Variants in DMRT3 observed in about 807,000 individuals in gnomAD.
DMRT3 encodes doublesex and mab-3 related transcription factor 3.
In DMRT3, 29 loss-of-function variants were observed where a neutral mutation model predicts 34.9. That is an observed-to-expected ratio of 0.83 (90% CI 0.62 to 1.13). DMRT3 has a LOEUF of 1.13. DMRT3 is among the 50% of genes most tolerant of loss of function. The pLI, the probability that DMRT3 is intolerant of heterozygous loss-of-function variation, is 0.00. For missense variants in DMRT3, 772 were observed against 629.1 expected, an observed-to-expected ratio of 1.23 and a Z score of -2.43; for synonymous variants, 350 against 286.0, an observed-to-expected ratio of 1.22 and a Z score of -2.26.
In DMRT3 at chr9:976,725, AAGG is replaced by A. The variant is rs1348950968; in HGVS notation, c.-272_-270del. ...TTGCAGCCGCCGCAGCGCCTCCGCG[AAGG>A]AGGACGTGCCGACCCGGCTGCGCGC... On this transcript the variant is annotated 5_prime_UTR_variant, in exon 1 of 2. Coordinates refer to ENST00000190165, the MANE Select transcript of DMRT3 (RefSeq NM_021240.4). The surrounding 1 kb of genome is among the most constrained non-coding windows in gnomAD (Gnocchi z 4.5). 2.6e-5 allele frequency among the ~76,000 whole-genome samples: 4 copies of A among 152,128 alleles called. No individual in the cohort carries two copies. Among genetic ancestry groups the A allele is most frequent in the African/African-American group, 9.7e-5 (4 of 41,438 alleles).
intron 1 of DMRT3, among the ~76,000 whole-genome samples, chr9:986,456 G>A (rs1171473314): frequency 6.6e-6 from 1 of 152,122 alleles, no homozygotes; most frequent in African/African-American, 2.4e-5. Flanking sequence ...AGACTGAAGT[G>A]TACTGTGGAA....
chr9:979,679 G>T (rs1820193538), intron 1 of DMRT3, among the ~76,000 whole-genome samples: 1 of 152,134 alleles, frequency 6.6e-6, no homozygotes, highest in South Asian at 2.1e-4. Context: ...TGATTGTTTA[G>T]GAAGACAGGC....
At chr9:982,710 T>C (rs1436539919) in intron 1 of DMRT3, among the ~76,000 whole-genome samples, 7 of 152,218 alleles carry the variant, frequency 4.6e-5, no homozygotes. Flanking sequence ...CCTGGAGGAC[T>C]CGGAGCCCTT....
chr9:990,622 T>C lies in DMRT3; in HGVS notation c.1036T>C (p.Ser346Pro), dbSNP rs1252184502. 6.2e-7 allele frequency: 1 copy of C among 1,614,164 alleles called. No homozygotes were observed. Among genetic ancestry groups the C allele is most frequent in the Non-Finnish European group, 8.5e-7 (1 of 1,180,026 alleles). ...AGACACGTTGAGGTTTTCTGCCGAC[T>C]CTAGCAACGTTGTCCCCAGTCCCTT... is the stretch of plus-strand genomic sequence containing the variant. Reference protein sequence around the residue: ...VPDTLRFSADSSNVVPSPLAG... With the variant: ...VPDTLRFSADPSNVVPSPLAG... Residue 346 changes from serine (S) to proline (P), a missense_variant, in exon 2 of 2, where the codon TCT becomes CCT. By Grantham distance (74) the Ser-to-Pro change is moderately conservative. Transcript: ENST00000190165.
At position 979,010 on chromosome 9, in the gene DMRT3, A is replaced by G. The variant is rs1191693511; in HGVS notation, c.454+1555A>G. Among the ~76,000 whole-genome samples, 3 of 152,164 alleles carry G rather than the reference A, an allele frequency of 2.0e-5. No homozygotes were observed. The East Asian group carries it at 5.8e-4, about 29-fold the overall frequency. ...CAGCTCTAGAATTGGATTTGTACCA[A>G]TATATTTTCTTAATTTTTTTCCATT... On this transcript the variant is annotated intron_variant, in intron 1 of 1. Transcript: ENST00000190165.
chr9:984,199 C>A (rs563116936), intron 1 of DMRT3, among the ~76,000 whole-genome samples: 38 of 152,248 alleles, frequency 2.5e-4, no homozygotes, highest in African/African-American at 8.7e-4. Context: ...TGAAAACTAC[C>A]CATCAAGGAC....
chr9:977,470 G>C lies in DMRT3; in HGVS notation c.454+15G>C, dbSNP rs1820166942. The C allele has an allele frequency of 7.8e-7, 1 of 1,279,444 alleles. No individual in the cohort carries two copies. The highest frequency in any genetic ancestry group is 1.5e-5 in the African/African-American group (1 of 65,786). 79.3% of individuals were successfully genotyped at this position (1,279,444 alleles called of 1,614,324 possible). A position where few individuals can be genotyped will look rare whatever the true frequency, so the allele number is the denominator to read the frequency against. ...CGCCAAGCCAGGTAAGAGCGTCTGA[G>C]GTGCGGGAGTTTGGCCGGGCGCGGG... is the stretch of plus-strand genomic sequence containing the variant. On this transcript the variant is annotated intron_variant, in intron 1 of 1. Coordinates refer to ENST00000190165, the MANE Select transcript of DMRT3 (RefSeq NM_021240.4).
chr9:979,024 T>C (rs542154989), intron 1 of DMRT3, among the ~76,000 whole-genome samples: 1 of 152,252 alleles, frequency 6.6e-6, no homozygotes, highest in Admixed American at 6.5e-5. Context: ...ATTTTCTTAA[T>C]TTTTTTCCAT....
chr9:982,731 G>A (rs1245446365), intron 1 of DMRT3, among the ~76,000 whole-genome samples: 1 of 152,224 alleles, frequency 6.6e-6, no homozygotes, highest in East Asian at 1.9e-4. Context: ...TTCTGGAAAT[G>A]TTGCACTTCT....
At chr9:987,566 T>C (rs1166530814) in intron 1 of DMRT3, among the ~76,000 whole-genome samples, 1 of 152,178 alleles carries the variant, frequency 6.6e-6, no homozygotes, top group Non-Finnish European at 1.5e-5. Context: ...TGTGTCATAT[T>C]TGAGGCTTAG....
chr9:988,692 A>G (rs953106019), intron 1 of DMRT3, among the ~76,000 whole-genome samples: 2 of 152,214 alleles, frequency 1.3e-5, no homozygotes, highest in African/African-American at 4.8e-5. Context: ...CTATCTGTAT[A>G]TAATCAGGTG....
At position 976,980 on chromosome 9, in the gene DMRT3, A is replaced by G; in HGVS notation, c.-22A>G. 1.4e-6 allele frequency: 2 copies of G among 1,462,334 alleles called. No homozygotes were observed. The highest frequency in any genetic ancestry group is 1.5e-5 in the African/African-American group (1 of 68,468). The allele number at this position is 1,462,334 out of a possible 1,614,324, so 90.6% of individuals were successfully genotyped here. ...GGCCCTCTCCCGCAGCCAGGCTGCCAACTCATTCGGGAGCCCGGGGCATGA... is the reference window on the plus strand; with the variant it reads ...GGCCCTCTCCCGCAGCCAGGCTGCCGACTCATTCGGGAGCCCGGGGCATGA... On this transcript the variant is annotated 5_prime_UTR_variant, in exon 1 of 2. Transcript: ENST00000190165. The surrounding 1 kb of genome is among the most constrained non-coding windows in gnomAD (Gnocchi z 4.5).
chr9:980,960 A>C (rs1820209579), intron 1 of DMRT3, among the ~76,000 whole-genome samples: 1 of 152,212 alleles, frequency 6.6e-6, no homozygotes, highest in African/African-American at 2.4e-5. Flanking sequence ...CTAGGTCTCC[A>C]TCTGCCATCA....
rs757714876 is a variant in DMRT3, at chr9:977,275, C to G, written c.274C>G (p.Arg92Gly). 4.6e-6 allele frequency: 7 copies of G among 1,513,446 alleles called. No homozygotes were observed. In the Admixed American group the frequency reaches 1.3e-4, roughly 29 times the overall value. The allele number at this position is 1,513,446 out of a possible 1,614,324, so 93.8% of individuals were successfully genotyped here. A position where few individuals can be genotyped will look rare whatever the true frequency, so the allele number is the denominator to read the frequency against. Residue 92 changes from arginine (R) to glycine (G), a missense_variant, in exon 1 of 2, where the codon CGC (arginine) becomes GGC (glycine). Transcript: ENST00000190165. ...SLESLIPDSLRALPGPPPPGD... is the reference protein window; with the variant it reads ...SLESLIPDSLGALPGPPPPGD... ...GGAGAGCCTCATCCCCGACTCGCTGCGCGCTCTGCCAGGGCCCCCGCCGCC... is the reference window on the plus strand; with the variant it reads ...GGAGAGCCTCATCCCCGACTCGCTGGGCGCTCTGCCAGGGCCCCCGCCGCC...
At chr9:988,705 C>T (rs1271499888) in intron 1 of DMRT3, among the ~76,000 whole-genome samples, 1 of 151,972 alleles carries the variant, frequency 6.6e-6, no homozygotes, top group Non-Finnish European at 1.5e-5. Context: ...ATCAGGTGTG[C>T]CCACAGAGAA....
chr9:977,177 T>A lies in DMRT3; in HGVS notation c.176T>A (p.Ile59Asn), dbSNP rs1233365158. The A allele has an allele frequency of 2.5e-6, 4 of 1,610,394 alleles. No individual in the cohort carries two copies. Among genetic ancestry groups the A allele is most frequent in the Non-Finnish European group, 3.4e-6 (4 of 1,178,746 alleles). The change falls in exon 1 of 2, where the codon ATC becomes AAC. Residue 59 changes from isoleucine (I) to asparagine (N), a missense_variant. By Grantham distance (149) the Ile-to-Asn change is moderately radical. Coordinates refer to ENST00000190165, the MANE Select transcript of DMRT3 (RefSeq NM_021240.4). ...RFKDCTCEKC[I>N]LIIERQRVMA... is the part of the protein sequence containing the mutation. ...AAGGACTGCACCTGCGAGAAGTGCA[T>A]CCTCATCATCGAGCGGCAGCGGGTC...
Position 977,307 on chromosome 9 carries a change from C to G in DMRT3, c.306C>G (p.Asp102Glu). 5.2e-6 allele frequency: 7 copies of G among 1,336,638 alleles called. No individual in the cohort carries two copies. Among genetic ancestry groups the G allele is most frequent in the Non-Finnish European group, 5.8e-6 (6 of 1,040,830 alleles). 82.8% of individuals were successfully genotyped at this position (1,336,638 alleles called of 1,614,324 possible). A position where few individuals can be genotyped will look rare whatever the true frequency, so the allele number is the denominator to read the frequency against. ...RALPGPPPPG[D>E]AVAAPQPPPA... Reference sequence around the variant, plus strand: ...TGCCAGGGCCCCCGCCGCCGGGGGACGCCGTCGCCGCCCCGCAGCCGCCGC... The same window carrying G: ...TGCCAGGGCCCCCGCCGCCGGGGGAGGCCGTCGCCGCCCCGCAGCCGCCGC... Residue 102 changes from aspartate (D) to glutamate (E), a missense_variant, in exon 1 of 2, where the codon GAC (aspartate) becomes GAG (glutamate). Coordinates refer to ENST00000190165, the MANE Select transcript of DMRT3 (RefSeq NM_021240.4).
In DMRT3 at chr9:990,472, G is replaced by C. The variant is rs1820343762; in HGVS notation, c.886G>C (p.Glu296Gln). 2 of 1,614,052 alleles carry C rather than the reference G, an allele frequency of 1.2e-6. No homozygotes were observed. Among genetic ancestry groups the C allele is most frequent in the Admixed American group, 1.7e-5 (1 of 60,002 alleles). The change falls in exon 2 of 2, where the codon GAG becomes CAG. Residue 296 changes from glutamate (E) to glutamine (Q), a missense_variant. By Grantham distance (29) the Glu-to-Gln change is conservative. Coordinates refer to ENST00000190165, the MANE Select transcript of DMRT3 (RefSeq NM_021240.4). ...LSSRSSVTGAERTSAEPESLA... is the reference protein window; with the variant it reads ...LSSRSSVTGAQRTSAEPESLA... ...CAGCCGATCCTCAGTCACGGGAGCAGAGCGAACTTCCGCAGAACCTGAGAG... is the reference window on the plus strand; with the variant it reads ...CAGCCGATCCTCAGTCACGGGAGCACAGCGAACTTCCGCAGAACCTGAGAG...
rs1291732963 is a variant in DMRT3, at chr9:977,203, A to T, written c.202A>T (p.Met68Leu). 5.0e-6 allele frequency: 8 copies of T among 1,607,810 alleles called. No individual in the cohort carries two copies. The highest frequency in any genetic ancestry group is 1.1e-5 in the South Asian group (1 of 90,200). ...CCTCATCATCGAGCGGCAGCGGGTCATGGCTGCGCAGGTGGCGCTGCGCCG... is the reference window on the plus strand; with the variant it reads ...CCTCATCATCGAGCGGCAGCGGGTCTTGGCTGCGCAGGTGGCGCTGCGCCG... Reference protein sequence around the residue: ...CILIIERQRVMAAQVALRRQQ... With the variant: ...CILIIERQRVLAAQVALRRQQ... Residue 68 changes from methionine (M) to leucine (L), a missense_variant, in exon 1 of 2, where the codon ATG (methionine) becomes TTG (leucine). By Grantham distance (15) the Met-to-Leu change is conservative. Transcript: ENST00000190165.
Sources: allele counts gnomAD v4.1 joint callset (sites outside exome capture counted in the v4.1 genomes callset), GRCh38; gene constraint gnomAD v4.1.1; non-coding constraint Gnocchi (gnomAD v3.1); transcripts MANE v1.5; gene names NCBI Gene and HGNC (gene_info 2026-07-23, HGNC 2026-07-21).